Variants in PIGT observed in about 807,000 individuals in gnomAD.
PIGT encodes phosphatidylinositol glycan anchor biosynthesis class T, also known as GPI-anchor transamidase component PIGT.
In PIGT, 57 loss-of-function variants were observed where a neutral mutation model predicts 66.7. The observed-to-expected ratio is 0.86, with a 90% CI of 0.69 to 1.07. PIGT has a LOEUF of 1.07. PIGT is among the 50% of genes least tolerant of loss of function. PIGT has a pLI of 0.00. For missense variants in PIGT, 725 were observed against 740.4 expected (o/e 0.98, Z 0.24); for synonymous variants, 362 against 320.5 (o/e 1.13, Z -1.38).
intron 1 of PIGT, 61 bp downstream of exon 1, chr20:45,416,404 T>A: frequency 6.4e-7 from 1 of 1,552,060 alleles, no homozygotes; most frequent in Non-Finnish European, 8.7e-7. Flanking sequence ...TGGCCGGCCG[T>A]GGGATGAAGG....
chr20:45,417,057 A>G (rs943237319), intron 2 of PIGT: 2 of 171,636 alleles, frequency 1.2e-5, no homozygotes, highest in Non-Finnish European at 2.5e-5. Context: ...GTGGGTTACA[A>G]CTGGCCAACA....
At chr20:45,418,491 G>A (rs865925481) in intron 2 of PIGT, 1 of 342,764 alleles carries the variant, frequency 2.9e-6, no homozygotes, top group South Asian at 2.3e-5. Context: ...ACTGCACAGA[G>A]GAGACTGTGC....
chr20:45,423,213 T>C (rs1349282446), intron 9 of PIGT: 3 of 150,876 alleles, frequency 2.0e-5, no homozygotes, highest in Non-Finnish European at 2.9e-5. Context: ...TACAGGCGCG[T>C]GCCACCACGC....
chr20:45,421,583 AG>A lies in PIGT; in HGVS notation c.1234+1del. 6.2e-7 allele frequency: 1 copy of A among 1,613,902 alleles called. No individual in the cohort carries two copies. Among genetic ancestry groups the A allele is most frequent in the Non-Finnish European group, 8.5e-7 (1 of 1,179,812 alleles). On this transcript the variant is annotated splice_donor_variant, in intron 9 of 11. Coordinates refer to ENST00000279036, the MANE Select transcript of PIGT (RefSeq NM_015937.6). LOFTEE classifies it high-confidence loss of function. ...CTCCAAGGGCAAGGAGAACAAACCA[AG>A]TGAGGACCTGAGTCCTGAACCAGGC... is the stretch of plus-strand genomic sequence containing the variant.
At chr20:45,417,840 A>T (rs1197847621) in intron 2 of PIGT, 2 of 152,208 alleles carry the variant, frequency 1.3e-5, no homozygotes, top group Non-Finnish European at 2.9e-5. Flanking sequence ...AAAGCTCTGA[A>T]CATAGAATTA....
chr20:45,416,901 A>G, intron 2 of PIGT: 3 of 451,416 alleles, frequency 6.6e-6, no homozygotes, highest in Non-Finnish European at 1.2e-5. Flanking sequence ...GCACATGCAT[A>G]TCCCTGGAGA....
chr20:45,420,032 G>A (rs1367039612), intron 5 of PIGT, 104 bp from the exon 6 acceptor site: 15 of 808,820 alleles, frequency 1.9e-5, no homozygotes, highest in Non-Finnish European at 2.9e-5. Context: ...ATCGATGGAT[G>A]TGAAGATACA....
At chr20:45,420,011 G>A (rs1002517078) in intron 5 of PIGT, 125 bp from the exon 6 acceptor site, 1 of 704,156 alleles carries the variant, frequency 1.4e-6, no homozygotes, top group African/African-American at 1.8e-5. Flanking sequence ...CTCAGGAGTG[G>A]GTGGTAGCAA....
At chr20:45,423,892 A>G (rs1164288512) in intron 9 of PIGT, 7 of 330,990 alleles carry the variant, frequency 2.1e-5, no homozygotes, top group Non-Finnish European at 3.5e-5. Context: ...TTGGCAAGAA[A>G]AATTCCCAGG....
In PIGT at chr20:45,416,646, C is replaced by A; in HGVS notation, c.317C>A (p.Ala106Asp). The A allele has an allele frequency of 6.2e-7, 1 of 1,614,080 alleles. No individual in the cohort carries two copies. The highest frequency in any genetic ancestry group is 8.5e-7 in the Non-Finnish European group (1 of 1,180,006). ...TACTGGGGGCCACCCTTCCTGCAGGCCCCATCAGGTGCAGAGCTGTGGGTC... is the reference window on the plus strand; with the variant it reads ...TACTGGGGGCCACCCTTCCTGCAGGACCCATCAGGTGCAGAGCTGTGGGTC... ...TRYWGPPFLQ[A>D]PSGAELWVWF... is the part of the protein sequence containing the mutation. Residue 106 changes from alanine to aspartate, a missense_variant, in exon 2 of 12, where the codon GCC (alanine) becomes GAC (aspartate). Around this residue, in one of 3 missense-constraint regions of PIGT, gnomAD observed 559 missense variants for 552.7 expected, o/e 1.01. Transcript: ENST00000279036.
chr20:45,425,338 G>A (rs1266057401), intron 11 of PIGT, among the ~76,000 whole-genome samples: 2 of 151,610 alleles, frequency 1.3e-5, no homozygotes, highest in African/African-American at 4.9e-5. Flanking sequence ...CATCATCTAG[G>A]TTTTAAGCCC....
chr20:45,419,641 A>G (rs1990223965), intron 5 of PIGT, 51 bp downstream of exon 5: 2 of 1,285,614 alleles, frequency 1.6e-6, no homozygotes, highest in Non-Finnish European at 2.3e-6. Context: ...CAGAGAAGGT[A>G]CATGTAAAGC....
chr20:45,416,617 C>G lies in PIGT; in HGVS notation c.288C>G (p.Thr96=), dbSNP rs1989994572. 6.2e-7 allele frequency: 1 copy of G among 1,614,172 alleles called. No individual in the cohort carries two copies. Among genetic ancestry groups the G allele is most frequent in the African/African-American group, 1.3e-5 (1 of 75,050 alleles). The change falls in exon 2 of 12, where the codon ACC becomes ACG. Residue 96 remains threonine (T), a synonymous_variant. Transcript: ENST00000279036. ...CATTCACACAAGGCTTTTGGAGGAC[C>G]CGATACTGGGGGCCACCCTTCCTGC... The part of the protein sequence containing the change: ...HLSFTQGFWR[T]RYWGPPFLQA...
chr20:45,425,627 T>C lies in PIGT; in HGVS notation c.1538T>C (p.Leu513Pro). 6.2e-7 allele frequency: 1 copy of C among 1,614,106 alleles called. No homozygotes were observed. The highest frequency in any genetic ancestry group is 1.3e-5 in the African/African-American group (1 of 75,062). The change falls in exon 12 of 12, where the codon CTG becomes CCG. Residue 513 changes from leucine (L) to proline (P), a missense_variant. Physicochemically the swap from Leu to Pro is moderately conservative, Grantham distance 98. Coordinates refer to ENST00000279036, the MANE Select transcript of PIGT (RefSeq NM_015937.6). ...TTTGTGCGGCTCTACACGGAGCCGC[T>C]GCTGGTGAACCTGCCGACACCGGAC... is the stretch of plus-strand genomic sequence containing the variant. ...NYFVRLYTEPLLVNLPTPDFS... is the reference protein window; with the variant it reads ...NYFVRLYTEPPLVNLPTPDFS...
intron 5 of PIGT, chr20:45,419,835 T>C (rs1237696391): frequency 1.2e-5 from 7 of 600,504 alleles, no homozygotes; most frequent in Admixed American, 5.9e-5. Context: ...GCTCAGTCAC[T>C]TGCCAGCTGG....
In PIGT at chr20:45,418,881, A is replaced by C; in HGVS notation, c.395A>C (p.Asn132Thr). 1 of 1,613,908 alleles carries C rather than the reference A, an allele frequency of 6.2e-7. No homozygotes were observed. The highest frequency in any genetic ancestry group is 8.5e-7 in the Non-Finnish European group (1 of 1,179,874). The change falls in exon 3 of 12, where the codon AAT (asparagine) becomes ACT (threonine). Residue 132 changes from asparagine to threonine, a missense_variant. Transcript: ENST00000279036. ...DVDKSWKELS[N>T]VLSGIFCASL... ...GATAAATCTTGGAAGGAGCTCAGTA[A>C]TGTCCTCTCAGGGATCTTCTGCGCC...
intron 2 of PIGT, chr20:45,418,590 G>T (rs1990136187): frequency 2.3e-6 from 1 of 428,934 alleles, no homozygotes; most frequent in East Asian, 5.1e-5. Context: ...GCAAAGGCTT[G>T]CAAGGAAGGA....
At position 45,416,319 on chromosome 20, in the gene PIGT, G is replaced by C. The variant is rs1387710054; in HGVS notation, c.163G>C (p.Asp55His). Residue 55 changes from aspartate to histidine, a missense_variant, in exon 1 of 12, where the codon GAT becomes CAT. Around this residue, in one of 3 missense-constraint regions of PIGT, gnomAD observed 559 missense variants for 552.7 expected, o/e 1.01. Coordinates refer to ENST00000279036, the MANE Select transcript of PIGT (RefSeq NM_015937.6). The stretch of plus-strand genomic sequence containing the variant: ...CACATTCCAGTTCCGCACGCGCTGG[G>C]ATTCGGAGCTTCAGCGGGAAGGAGG... ...AATFQFRTRW[D>H]SELQREGVSH... The C allele has an allele frequency of 6.3e-7, 1 of 1,593,106 alleles. No homozygotes were observed. Among genetic ancestry groups the C allele is most frequent in the Non-Finnish European group, 8.6e-7 (1 of 1,167,674 alleles).
chr20:45,420,273 T>C (rs1990273417), intron 6 of PIGT, 50 bp downstream of exon 6: 17 of 1,589,804 alleles, frequency 1.1e-5, no homozygotes, highest in South Asian at 2.2e-5. Flanking sequence ...AGCCCTGCCT[T>C]ATCTATGTGG....
Sources: gnomAD v4.1 joint callset for allele counts (sites outside exome capture counted in the v4.1 genomes callset) on GRCh38, gnomAD v4.1.1 for gene constraint, gnomAD v4.1.1 regional missense constraint, MANE v1.5 for transcripts, NCBI Gene and HGNC (gene_info 2026-07-23, HGNC 2026-07-21) for gene names.